Variants in IFT74 observed in about 807,000 individuals in gnomAD.
The protein encoded by IFT74 is intraflagellar transport protein 74 homolog.
In IFT74, 92 loss-of-function variants were observed where a neutral mutation model predicts 96.7. That is an observed-to-expected ratio of 0.95 (90% CI 0.80 to 1.13). The LOEUF is 1.13. Ranked by LOEUF, IFT74 falls within the 50% of genes most tolerant of loss-of-function variation. The pLI, the probability that IFT74 is intolerant of heterozygous loss-of-function variation, is 0.00. For synonymous variants in IFT74, 223 were observed against 213.2 expected (o/e 1.05, Z -0.40); for missense variants, 811 against 698.2 (o/e 1.16, Z -1.82).
chr9:27,051,293 A>G (rs1321013738), intron 16 of IFT74, among the ~76,000 whole-genome samples: 2 of 152,092 alleles, frequency 1.3e-5, no homozygotes, highest in Non-Finnish European at 2.9e-5. Context: ...ATTTAAGCCT[A>G]TTTTATATCC....
In IFT74 at chr9:26,978,125, T is replaced by A; in HGVS notation, c.121-3T>A. On this transcript the variant is annotated splice_region_variant and splice_polypyrimidine_tract_variant and intron_variant, in intron 2 of 19. Coordinates refer to ENST00000380062, the MANE Select transcript of IFT74 (RefSeq NM_025103.4). Reference sequence around the variant, plus strand: ...TAAAAATGAAATCTTGTTTGTCATTTAGATGCCACCTGGGACAGCAAGACC... The same window carrying A: ...TAAAAATGAAATCTTGTTTGTCATTAAGATGCCACCTGGGACAGCAAGACC... 1 of 1,571,590 alleles carries A rather than the reference T, an allele frequency of 6.4e-7. No homozygotes were observed. Among genetic ancestry groups the A allele is most frequent in the African/African-American group, 1.4e-5 (1 of 72,594 alleles).
intron 13 of IFT74, among the ~76,000 whole-genome samples, chr9:27,030,547 CA>C (rs60150925): frequency 0.053 from 6,084 of 115,332 alleles, 119 homozygotes; most frequent in Middle Eastern, 0.074. Context: ...GACTCCGTCT[CA>C]AAAAAAAAAA....
chr9:26,963,694 T>G (rs1298934650), intron 2 of IFT74, among the ~76,000 whole-genome samples: 1 of 152,224 alleles, frequency 6.6e-6, no homozygotes, highest in East Asian at 1.9e-4. Context: ...TTGACTTGCA[T>G]TTCTCTGATG....
intron 2 of IFT74, among the ~76,000 whole-genome samples, chr9:26,970,992 C>G (rs1826854169): frequency 6.6e-6 from 1 of 152,200 alleles, no homozygotes; most frequent in East Asian, 1.9e-4. Flanking sequence ...CATTTTATGT[C>G]TAGCACCTGT....
At chr9:27,055,534 A>G (rs1015086125) in intron 16 of IFT74, 75 bp from the exon 17 acceptor site, 3 of 935,092 alleles carry the variant, frequency 3.2e-6, no homozygotes, top group Admixed American at 3.1e-5. Context: ...ATGATTTTTA[A>G]TAGTTGCATT....
intron 16 of IFT74, among the ~76,000 whole-genome samples, chr9:27,054,442 A>G (rs1194520867): frequency 6.6e-6 from 1 of 152,156 alleles, no homozygotes; most frequent in Non-Finnish European, 1.5e-5. Context: ...TACTTATTTA[A>G]TTGCCTGCTT....
chr9:27,013,771 T>G (rs1055817506), intron 10 of IFT74, among the ~76,000 whole-genome samples: 3 of 152,234 alleles, frequency 2.0e-5, no homozygotes, highest in African/African-American at 7.2e-5. Flanking sequence ...CTTTCCTGAT[T>G]TCCTGTGGAT....
intron 8 of IFT74, among the ~76,000 whole-genome samples, chr9:27,008,710 CAT>C (rs1440363702): frequency 6.6e-6 from 1 of 151,972 alleles, no homozygotes; most frequent in East Asian, 1.9e-4. Flanking sequence ...AATGCATCCT[CAT>C]ATATATAAGT....
At chr9:26,967,522 A>G (rs1826679714) in intron 2 of IFT74, among the ~76,000 whole-genome samples, 1 of 152,158 alleles carries the variant, frequency 6.6e-6, no homozygotes, top group South Asian at 2.1e-4. Flanking sequence ...CAAATATAAG[A>G]TCATATCATC....
In IFT74 at chr9:26,973,816, A is replaced by T. The variant is rs184826435; in HGVS notation, c.121-4312A>T. Among the ~76,000 whole-genome samples the T allele has an allele frequency of 3.3e-5, 5 of 152,336 alleles. No individual in the cohort carries two copies. In the East Asian group the frequency reaches 9.7e-4, roughly 29 times the overall value. ...TGAGACACTCCTGAATCAATTAAAA[A>T]GGTGATAAGTTCACATTTAGGTCCC... On this transcript the variant is annotated intron_variant, in intron 2 of 19. Coordinates refer to ENST00000380062, the MANE Select transcript of IFT74 (RefSeq NM_025103.4).
chr9:26,998,925 C>T (rs772302734), intron 8 of IFT74, among the ~76,000 whole-genome samples: 5 of 152,062 alleles, frequency 3.3e-5, no homozygotes, highest in African/African-American at 7.2e-5. Flanking sequence ...ACCCAGGAGG[C>T]GGAGGTTGCA....
At chr9:27,052,312 G>C (rs1819959962) in intron 16 of IFT74, among the ~76,000 whole-genome samples, 1 of 151,910 alleles carries the variant, frequency 6.6e-6, no homozygotes, top group African/African-American at 2.4e-5. Context: ...GAGTTCAAGA[G>C]CTGCCTGACC....
chr9:27,061,839 T>C (rs1820438256), intron 19 of IFT74, among the ~76,000 whole-genome samples: 1 of 152,034 alleles, frequency 6.6e-6, no homozygotes, highest in Non-Finnish European at 1.5e-5. Context: ...TCAACTCCAT[T>C]ATATGTCTAC....
intron 2 of IFT74, chr9:26,976,528 A>G: frequency 3.2e-6 from 1 of 314,102 alleles, no homozygotes; most frequent in Non-Finnish European, 6.3e-6. Context: ...TTTCTTAGAT[A>G]AGGTGGGCGC....
intron 8 of IFT74, chr9:26,996,643 T>G (rs976149486): frequency 6.2e-6 from 3 of 483,312 alleles, no homozygotes; most frequent in Non-Finnish European, 1.0e-5. Flanking sequence ...TCTAGCAACA[T>G]AATGAAAGAA....
chr9:26,977,069 A>G (rs935447793), intron 2 of IFT74, among the ~76,000 whole-genome samples: 2 of 152,236 alleles, frequency 1.3e-5, no homozygotes, highest in African/African-American at 4.8e-5. Flanking sequence ...AGGAGAAAAT[A>G]AAAATCAACT....
At chr9:27,039,775 A>C (rs1301231106) in intron 13 of IFT74, among the ~76,000 whole-genome samples, 1 of 152,184 alleles carries the variant, frequency 6.6e-6, no homozygotes. Context: ...CATTTTATGT[A>C]AAAGACTTGA....
intron 2 of IFT74, among the ~76,000 whole-genome samples, chr9:26,974,797 A>G (rs1019698899): frequency 6.6e-6 from 1 of 152,066 alleles, no homozygotes; most frequent in Non-Finnish European, 1.5e-5. Flanking sequence ...TTAATCAGCC[A>G]CCCCATAAGG....
intron 8 of IFT74, among the ~76,000 whole-genome samples, chr9:27,001,122 C>G (rs894624464): frequency 6.6e-6 from 1 of 152,112 alleles, no homozygotes; most frequent in Non-Finnish European, 1.5e-5. Flanking sequence ...TTTGTTGCCG[C>G]AAATGACAGG....
Sources: gnomAD v4.1 joint callset for allele counts (sites outside exome capture counted in the v4.1 genomes callset) on GRCh38, gnomAD v4.1.1 for gene constraint, MANE v1.5 for transcripts, NCBI Gene and HGNC (gene_info 2026-07-23, HGNC 2026-07-21) for gene names.